Variants in FBXO34 observed in about 807,000 individuals in gnomAD.
FBXO34 encodes F-box only protein 34.
Under a neutral mutation model 24.5 loss-of-function variants are expected in FBXO34, and 12 were observed. The observed-to-expected ratio is 0.49, with a 90% CI of 0.31 to 0.79. The LOEUF is 0.79. Among genes scored for constraint, FBXO34 ranks in the 30% least tolerant of loss-of-function variants. The probability of loss-of-function intolerance (pLI) is 0.04; values close to 1 mark genes in which losing one functional copy is unlikely to be tolerated. For missense variants in FBXO34, 823 were observed against 857.7 expected, an observed-to-expected ratio of 0.96 and a Z score of 0.51; for synonymous variants, 320 against 311.9, an observed-to-expected ratio of 1.03 and a Z score of -0.27.
rs190443018 is a variant in FBXO34, at chr14:55,331,747, A to G, written c.-10-18634A>G. Among the ~76,000 whole-genome samples the G allele has an allele frequency of 3.6e-3, 200 of 55,624 alleles. 65 individuals carry two copies. Among genetic ancestry groups the G allele is most frequent in the Middle Eastern group, 0.014 (2 of 148 alleles). 36.5% of individuals were successfully genotyped at this position (55,624 alleles called of 152,430 possible). A position where few individuals can be genotyped will look rare whatever the true frequency, so the allele number is the denominator to read the frequency against. On this transcript the variant is annotated intron_variant, in intron 1 of 1. Coordinates refer to ENST00000313833, the MANE Select transcript of FBXO34 (RefSeq NM_017943.4). ...TATATATGTATATATATATGTGTGT[A>G]TATATATATATATGTATATATATAT...
the FBXO34 span, chr14:55,414,509 C>T: frequency 7.8e-7 from 1 of 1,287,380 alleles, no homozygotes; most frequent in African/African-American, 1.5e-5. Context: ...CCAACATTTA[C>T]TTAAACACTA....
intron 1 of FBXO34, among the ~76,000 whole-genome samples, chr14:55,272,824 A>G (rs979060881): frequency 1.3e-5 from 2 of 152,190 alleles, no homozygotes; most frequent in African/African-American, 4.8e-5. Flanking sequence ...AACTTAATAT[A>G]AAAACATATT....
intron 1 of FBXO34, among the ~76,000 whole-genome samples, chr14:55,326,285 A>G (rs932269840): frequency 5.3e-5 from 8 of 152,302 alleles, no homozygotes; most frequent in Middle Eastern, 6.8e-3. Context: ...TTCACATTAA[A>G]GACAACTAGT....
chr14:55,286,348 G>A (rs562035746), intron 1 of FBXO34, among the ~76,000 whole-genome samples: 34 of 152,274 alleles, frequency 2.2e-4, no homozygotes, highest in Non-Finnish European at 4.0e-4. Context: ...AATGAACCTC[G>A]GTGTAACTTT....
At chr14:55,277,943 C>G (rs1157716991) in intron 1 of FBXO34, among the ~76,000 whole-genome samples, 1 of 152,104 alleles carries the variant, frequency 6.6e-6, no homozygotes, top group Non-Finnish European at 1.5e-5. Context: ...AAACTTTGAG[C>G]GGGCTGAATC....
chr14:55,299,354 C>G, intron 1 of FBXO34: 1 of 413,598 alleles, frequency 2.4e-6, no homozygotes, highest in East Asian at 5.0e-5. Context: ...TTGCTGCTCG[C>G]TCTCTGCATA....
At chr14:55,357,526 T>C (rs933873559), downstream of FBXO34, among the ~76,000 whole-genome samples, 2 of 152,230 alleles carry the variant, frequency 1.3e-5, no homozygotes, top group African/African-American at 4.8e-5. Context: ...GTCTCAGATC[T>C]GTTTATTAAG....
At chr14:55,357,936 T>C (rs1405910050), downstream of FBXO34, among the ~76,000 whole-genome samples, 1 of 152,248 alleles carries the variant, frequency 6.6e-6, no homozygotes, top group Non-Finnish European at 1.5e-5. Context: ...CTGTTCCCTC[T>C]CCACTGTGAG....
the FBXO34 span, chr14:55,380,722 A>C: frequency 7.0e-7 from 1 of 1,433,220 alleles, no homozygotes; most frequent in Admixed American, 1.9e-5. Context: ...CATGTACAAA[A>C]CCTTAATTCC....
chr14:55,298,760 G>T, intron 1 of FBXO34: 1 of 1,579,454 alleles, frequency 6.3e-7, no homozygotes, highest in East Asian at 2.2e-5. Context: ...TCCTGGAGAA[G>T]AAAATCGAGC....
chr14:55,417,485 G>T, the FBXO34 span, among the ~76,000 whole-genome samples: 10 of 131,640 alleles, frequency 7.6e-5, no homozygotes, highest in African/African-American at 5.8e-5. Context: ...AAAAAGTCTC[G>T]CTCGGTCACC....
the FBXO34 span, chr14:55,377,758 T>C: frequency 7.7e-7 from 1 of 1,290,612 alleles, no homozygotes; most frequent in East Asian, 2.3e-5. Context: ...TATGCCAACA[T>C]ACAACTCCTC....
At chr14:55,369,830 C>T (rs753707798), downstream of FBXO34, 28 of 1,614,168 alleles carry the variant, frequency 1.7e-5, no homozygotes, top group Middle Eastern at 8.3e-4. Context: ...ATCGCTGACG[C>T]GCTCATCTCC....
At chr14:55,385,158 T>C in the FBXO34 span, among the ~76,000 whole-genome samples, 1 of 152,220 alleles carries the variant, frequency 6.6e-6, no homozygotes, top group African/African-American at 2.4e-5. Context: ...TTTGTCATGA[T>C]TTCTCTGTGA....
chr14:55,364,227 G>A (rs1458312381), downstream of FBXO34, among the ~76,000 whole-genome samples: 1 of 151,788 alleles, frequency 6.6e-6, no homozygotes, highest in Non-Finnish European at 1.5e-5. Flanking sequence ...GGGATTACAG[G>A]TGTGAGCCAC....
Position 55,323,448 on chromosome 14 carries a change from T to G in FBXO34, c.-10-26933T>G, listed in dbSNP as rs193063068. On this transcript the variant is annotated intron_variant, in intron 1 of 1. Transcript: ENST00000313833. ...CCCAGGCTTGAGTGCTATAGTGTGA[T>G]CTTGGCTCACTGCGGTCTTCGAGTC... 2.4e-4 allele frequency among the ~76,000 whole-genome samples: 37 copies of G among 151,292 alleles called. No homozygotes were observed. In the East Asian group the frequency reaches 6.3e-3, roughly 26 times the overall value.
intron 1 of FBXO34, among the ~76,000 whole-genome samples, chr14:55,334,896 A>G (rs910648167): frequency 6.6e-6 from 1 of 152,196 alleles, no homozygotes; most frequent in Admixed American, 6.5e-5. Context: ...AGATGGTCAG[A>G]CTTCTAGAGA....
downstream of FBXO34, among the ~76,000 whole-genome samples, chr14:55,357,399 C>G (rs1024486984): frequency 6.6e-6 from 1 of 152,202 alleles, no homozygotes; most frequent in Non-Finnish European, 1.5e-5. Context: ...CAGAGGCCCC[C>G]TCAGCCAAGC....
At chr14:55,279,156 G>A (rs540243569) in intron 1 of FBXO34, among the ~76,000 whole-genome samples, 5 of 152,156 alleles carry the variant, frequency 3.3e-5, no homozygotes, top group Admixed American at 2.6e-4. Flanking sequence ...GCATGGTGGT[G>A]GGTGCCTGTA....
Sources: gnomAD v4.1 joint callset for allele counts (sites outside exome capture counted in the v4.1 genomes callset) on GRCh38, gnomAD v4.1.1 for gene constraint, MANE v1.5 for transcripts, NCBI Gene and HGNC (gene_info 2026-07-23, HGNC 2026-07-21) for gene names.